DOCK1: variants seen among roughly 807,000 people sequenced by gnomAD.
DOCK1 encodes the protein dedicator of cytokinesis protein 1.
DOCK1 carries 138 observed loss-of-function variants against 262.7 expected under a neutral mutation model. That is an observed-to-expected ratio of 0.53 (90% CI 0.46 to 0.61). The LOEUF is 0.61. Ranked by LOEUF, DOCK1 falls within the 20% of genes least tolerant of loss-of-function variation. DOCK1 has a pLI of 0.00. For missense variants in DOCK1, 1,908 were observed against 2,370.7 expected (o/e 0.80, Z 4.05); for synonymous variants, 866 against 867.4 (o/e 1.00, Z 0.03).
intron 24 of DOCK1, among the ~76,000 whole-genome samples, chr10:127,107,338 C>T (rs905337344): frequency 6.6e-5 from 10 of 152,152 alleles, no homozygotes; most frequent in Non-Finnish European, 1.5e-4. Context: ...TTTATGTCTA[C>T]CATAGGTCAC....
intron 13 of DOCK1, among the ~76,000 whole-genome samples, chr10:127,022,965 A>G (rs2042551678): frequency 6.6e-6 from 1 of 152,152 alleles, no homozygotes; most frequent in African/African-American, 2.4e-5. Flanking sequence ...CCAGATGATA[A>G]CCAAGCAGAT....
chr10:127,188,778 G>A (rs7907016), intron 27 of DOCK1, among the ~76,000 whole-genome samples: 1,993 of 152,328 alleles, frequency 0.013, 40 homozygotes, highest in African/African-American at 0.045. Flanking sequence ...CACAAGCTAG[G>A]TACCGTTCTG....
intron 27 of DOCK1, among the ~76,000 whole-genome samples, chr10:127,148,611 A>T (rs2052156207): frequency 3.3e-5 from 5 of 152,190 alleles, no homozygotes; most frequent in Non-Finnish European, 1.5e-5. Flanking sequence ...CCACATCCGA[A>T]CAAAAGCTGA....
intron 27 of DOCK1, among the ~76,000 whole-genome samples, chr10:127,160,297 G>A (rs1249854323): frequency 6.6e-6 from 1 of 152,194 alleles, no homozygotes; most frequent in East Asian, 1.9e-4. Flanking sequence ...ATGTAAATGT[G>A]CTGTTTTTAC....
chr10:127,442,716 A>G (rs1440836184), intron 49 of DOCK1, among the ~76,000 whole-genome samples: 1 of 152,228 alleles, frequency 6.6e-6, no homozygotes. Context: ...GCCAATTCCT[A>G]GACTTTCAGG....
In DOCK1 at chr10:127,328,093, C is replaced by T. The variant is rs183165946; in HGVS notation, c.3045-10913C>T. On this transcript the variant is annotated intron_variant, in intron 29 of 51. Coordinates refer to ENST00000623213, the MANE Select transcript of DOCK1 (RefSeq NM_001290223.2). ...GACAACGTCACCACCTGCCAGGTAG[C>T]AAGCACCTAGGCTCCTACAAATGGG... Among the ~76,000 whole-genome samples, 4 of 125,502 alleles carry T rather than the reference C, an allele frequency of 3.2e-5. No homozygotes were observed. The East Asian group carries it at 9.6e-4, about 30-fold the overall frequency. 82.3% of individuals were successfully genotyped at this position (125,502 alleles called of 152,430 possible).
chr10:127,235,789 T>C (rs199850878), intron 27 of DOCK1, among the ~76,000 whole-genome samples: 1 of 7,062 alleles, frequency 1.4e-4, no homozygotes, highest in African/African-American at 2.2e-4. Context: ...GTGGTGGTTG[T>C]TTTTTTTTTT....
intron 27 of DOCK1, among the ~76,000 whole-genome samples, chr10:127,214,952 C>A (rs1032840023): frequency 6.6e-6 from 1 of 152,134 alleles, no homozygotes; most frequent in Admixed American, 6.5e-5. Context: ...ATCTAAGTAT[C>A]CAGCCTGGTC....
At chr10:127,235,519 GTT>G (rs552484378) in intron 27 of DOCK1, among the ~76,000 whole-genome samples, 67 of 152,228 alleles carry the variant, frequency 4.4e-4, no homozygotes, top group African/African-American at 1.6e-3. Flanking sequence ...TAATTTATTT[GTT>G]TATTTAGTAG....
chr10:127,408,469 T>C (rs1028429483), intron 40 of DOCK1, among the ~76,000 whole-genome samples: 5 of 152,210 alleles, frequency 3.3e-5, no homozygotes, highest in African/African-American at 1.2e-4. Flanking sequence ...TCGGCTCTGG[T>C]CTGCATCCCT....
chr10:127,351,407 T>G (rs1033607391), intron 31 of DOCK1, among the ~76,000 whole-genome samples: 9 of 152,146 alleles, frequency 5.9e-5, no homozygotes, highest in Non-Finnish European at 8.8e-5. Context: ...CATAGTCTTA[T>G]TCCAAAATCA....
At chr10:127,171,796 C>T (rs1363184520) in intron 27 of DOCK1, among the ~76,000 whole-genome samples, 6 of 152,110 alleles carry the variant, frequency 3.9e-5, no homozygotes, top group Non-Finnish European at 5.9e-5. Flanking sequence ...CTCCACCTCC[C>T]GGGTTCAAGC....
At chr10:126,934,993 C>T (rs1284886232) in intron 1 of DOCK1, among the ~76,000 whole-genome samples, 1 of 152,046 alleles carries the variant, frequency 6.6e-6, no homozygotes, top group African/African-American at 2.4e-5. Context: ...GCCTGTAGTC[C>T]CAGCTACTCA....
At chr10:127,318,512 G>A (rs547508990) in intron 29 of DOCK1, among the ~76,000 whole-genome samples, 2 of 152,320 alleles carry the variant, frequency 1.3e-5, no homozygotes, top group African/African-American at 4.8e-5. Context: ...GTGCAAGGAT[G>A]GGGGCCCAGC....
chr10:127,106,068 T>A (rs1489055487), intron 23 of DOCK1, among the ~76,000 whole-genome samples, 163 bp from the exon 24 acceptor site: 1 of 152,088 alleles, frequency 6.6e-6, no homozygotes, highest in Non-Finnish European at 1.5e-5. Flanking sequence ...CCTGATGACT[T>A]TTGTTCTTTG....
intron 31 of DOCK1, among the ~76,000 whole-genome samples, chr10:127,352,844 C>T (rs1212699805): frequency 1.2e-4 from 19 of 152,238 alleles, no homozygotes; most frequent in African/African-American, 4.1e-4. Flanking sequence ...CCACCTGCCT[C>T]GGCCTCCCAA....
At chr10:127,440,401 C>T (rs1483907482) in intron 49 of DOCK1, among the ~76,000 whole-genome samples, 1 of 152,012 alleles carries the variant, frequency 6.6e-6, no homozygotes, top group Non-Finnish European at 1.5e-5. Flanking sequence ...GAGGCACAGC[C>T]CACTTCCAGG....
chr10:127,170,739 C>G (rs1365707231), intron 27 of DOCK1, among the ~76,000 whole-genome samples: 1 of 152,114 alleles, frequency 6.6e-6, no homozygotes, highest in African/African-American at 2.4e-5. Flanking sequence ...AATCCACTGT[C>G]CCATTTGCCT....
In DOCK1 at chr10:127,137,968, T is replaced by G. The variant is rs528173288; in HGVS notation, c.2847+10204T>G. ...TGAGTTTCCTCAATAGGGTGGAGTT[T>G]TCTTAGAACCGGCTGGAGTTTGTCT... On this transcript the variant is annotated intron_variant, in intron 27 of 51. Coordinates refer to ENST00000623213, the MANE Select transcript of DOCK1 (RefSeq NM_001290223.2). 30 of 1,613,950 alleles carry G rather than the reference T, an allele frequency of 1.9e-5. No individual in the cohort carries two copies. The South Asian group carries it at 3.1e-4, about 17-fold the overall frequency.
Sources: allele counts gnomAD v4.1 joint callset (sites outside exome capture counted in the v4.1 genomes callset), GRCh38; gene constraint gnomAD v4.1.1; transcripts MANE v1.5; gene names NCBI Gene and HGNC (gene_info 2026-07-23, HGNC 2026-07-21).